The following PLCL2 variants were observed in gnomAD, a reference collection of about 807,000 sequenced individuals.
The protein encoded by PLCL2 is phospholipase C like 2.
Under a neutral mutation model 79.6 loss-of-function variants are expected in PLCL2, and 4 were observed. That is an observed-to-expected ratio of 0.05 (90% CI 0.02 to 0.11). The LOEUF (loss-of-function observed/expected upper bound fraction) is 0.11, where lower values mean the gene tolerates loss of function less well. Among genes scored for constraint, PLCL2 ranks in the 10% least tolerant of loss-of-function variants. The probability of loss-of-function intolerance (pLI) is 1.00; values close to 1 mark genes in which losing one functional copy is unlikely to be tolerated. For synonymous variants in PLCL2, 484 were observed against 457.7 expected (o/e 1.06, Z -0.73); for missense variants, 895 against 1,291.0 (o/e 0.69, Z 4.70).
At chr3:17,027,619 CTCTT>C (rs769751970) in intron 3 of PLCL2, among the ~76,000 whole-genome samples, 10 of 152,324 alleles carry the variant, frequency 6.6e-5, no homozygotes, top group African/African-American at 1.4e-4. Flanking sequence ...TTATGACTTT[CTCTT>C]TCTTTCTTTT....
chr3:16,974,895 A>G (rs766142824), intron 1 of PLCL2, among the ~76,000 whole-genome samples: 1 of 152,082 alleles, frequency 6.6e-6, no homozygotes, highest in African/African-American at 2.4e-5. Context: ...AATTGAGTGT[A>G]TGTAGAGGGG....
At chr3:17,088,553 A>G (rs1213385169) in intron 5 of PLCL2, among the ~76,000 whole-genome samples, 1 of 152,150 alleles carries the variant, frequency 6.6e-6, no homozygotes, top group African/African-American at 2.4e-5. Context: ...GCAAAGTAGG[A>G]GTGTTGGAAT....
chr3:17,087,320 C>T (rs1359328638), intron 5 of PLCL2, among the ~76,000 whole-genome samples: 1 of 152,156 alleles, frequency 6.6e-6, no homozygotes, highest in East Asian at 1.9e-4. Context: ...GAATATTATT[C>T]AGCACTAAAA....
At chr3:16,954,000 CAT>C (rs1381100507) in intron 1 of PLCL2, among the ~76,000 whole-genome samples, 5 of 151,884 alleles carry the variant, frequency 3.3e-5, no homozygotes, top group Non-Finnish European at 7.4e-5. Flanking sequence ...TACTCAGTGA[CAT>C]ATACATTTTT....
At chr3:17,014,571 T>C (rs2064363115) in intron 2 of PLCL2, 137 bp from the exon 3 acceptor site, 2 of 700,170 alleles carry the variant, frequency 2.9e-6, no homozygotes, top group African/African-American at 1.8e-5. Flanking sequence ...AAACAATCAT[T>C]AGCCAATTCT....
chr3:17,049,970 G>T (rs575919704), intron 4 of PLCL2, among the ~76,000 whole-genome samples: 6 of 152,038 alleles, frequency 3.9e-5, no homozygotes, highest in Admixed American at 2.6e-4. Context: ...GCATGATAAT[G>T]GTATAAAAGC....
intron 3 of PLCL2, among the ~76,000 whole-genome samples, chr3:17,033,571 G>A (rs1271258438): frequency 2.0e-5 from 3 of 152,146 alleles, no homozygotes; most frequent in Non-Finnish European, 2.9e-5. Flanking sequence ...ATTTGCGTGT[G>A]CACAAGTTTG....
intron 3 of PLCL2, among the ~76,000 whole-genome samples, chr3:17,042,048 T>C (rs964532508): frequency 3.9e-5 from 6 of 152,202 alleles, no homozygotes; most frequent in African/African-American, 1.4e-4. Context: ...AATATTATAA[T>C]GCAAAATATT....
chr3:16,940,070 A>G (rs1208303788), intron 1 of PLCL2, among the ~76,000 whole-genome samples: 2 of 152,204 alleles, frequency 1.3e-5, no homozygotes, highest in African/African-American at 4.8e-5. Flanking sequence ...AAAAGGACAC[A>G]TGAAATGACA....
intron 1 of PLCL2, among the ~76,000 whole-genome samples, chr3:16,936,083 A>G (rs542858026): frequency 5.1e-4 from 77 of 152,336 alleles, no homozygotes; most frequent in Non-Finnish European, 1.0e-3. Flanking sequence ...TCAGAACAAG[A>G]TCAAAGGTTG....
At chr3:17,031,712 G>T (rs1315227357) in intron 3 of PLCL2, among the ~76,000 whole-genome samples, 2 of 152,260 alleles carry the variant, frequency 1.3e-5, no homozygotes, top group East Asian at 3.9e-4. Context: ...CCCCTAACAA[G>T]ACTTCTGGTC....
intron 1 of PLCL2, among the ~76,000 whole-genome samples, chr3:16,923,927 A>G (rs891105522): frequency 6.7e-6 from 1 of 149,574 alleles, no homozygotes; most frequent in Non-Finnish European, 1.5e-5. Context: ...ATACTTCTCA[A>G]CTCCAGAATT....
intron 1 of PLCL2, among the ~76,000 whole-genome samples, chr3:16,971,809 C>T (rs1281638451): frequency 6.6e-6 from 1 of 152,150 alleles, no homozygotes; most frequent in Admixed American, 6.6e-5. Context: ...CTCTTTGAAG[C>T]AATTGTGAAT....
At chr3:16,989,203 G>A (rs192425564) in intron 1 of PLCL2, among the ~76,000 whole-genome samples, 23 of 152,224 alleles carry the variant, frequency 1.5e-4, no homozygotes, top group Admixed American at 9.2e-4. Context: ...TTACATATAT[G>A]AATGATAGTC....
rs535547616 is a variant in PLCL2 at position 16,923,631 on chromosome 3, C to T, written c.327+38265C>T. Among the ~76,000 whole-genome samples the T allele has an allele frequency of 7.9e-5, 12 of 152,298 alleles. No individual in the cohort carries two copies. The East Asian group carries it at 2.3e-3, about 29-fold the overall frequency. On this transcript the variant is annotated intron_variant, in intron 1 of 5. Coordinates refer to ENST00000615277, the MANE Select transcript of PLCL2 (RefSeq NM_001144382.2). ...CACATAACCACTTCTGTTAGTACCACCCTTAATTAAACATTATTTTTCATT... is the reference window on the plus strand; with the variant it reads ...CACATAACCACTTCTGTTAGTACCATCCTTAATTAAACATTATTTTTCATT...
chr3:16,971,780 G>A (rs1436846303), intron 1 of PLCL2, among the ~76,000 whole-genome samples: 6 of 152,040 alleles, frequency 3.9e-5, no homozygotes, highest in African/African-American at 1.4e-4. Flanking sequence ...TTGTAAGCTG[G>A]ATTCCTAGGT....
Position 17,057,871 on chromosome 3 carries a change from G to A in PLCL2, c.3095-10085G>A, listed in dbSNP as rs62247189. Among the ~76,000 whole-genome samples, 373 of 152,278 alleles carry A rather than the reference G, an allele frequency of 2.4e-3. 1 individual carries two copies. The highest frequency in any genetic ancestry group is 4.0e-3 in the Non-Finnish European group (274 of 68,026). Reference sequence around the variant, plus strand: ...TGAGCTGAATTGAATACAGAATGCCGCATATTTATTTGTTCAACAAACGAG... The same window carrying A: ...TGAGCTGAATTGAATACAGAATGCCACATATTTATTTGTTCAACAAACGAG... On this transcript the variant is annotated intron_variant, in intron 4 of 5. Transcript: ENST00000615277.
chr3:16,966,916 C>T (rs2063813511), intron 1 of PLCL2, among the ~76,000 whole-genome samples: 1 of 152,010 alleles, frequency 6.6e-6, no homozygotes, highest in African/African-American at 2.4e-5. Context: ...GATCCTCACC[C>T]TCCTCCCACC....
intron 2 of PLCL2, 30 bp downstream of exon 2, chr3:17,012,190 A>G (rs766434599): frequency 8.9e-6 from 14 of 1,573,186 alleles, no homozygotes; most frequent in South Asian, 1.2e-5. Flanking sequence ...CATTTACTCA[A>G]TGGTTTTCCT....
Sources: allele counts gnomAD v4.1 joint callset (sites outside exome capture counted in the v4.1 genomes callset), GRCh38; gene constraint gnomAD v4.1.1; transcripts MANE v1.5; gene names NCBI Gene and HGNC (gene_info 2026-07-23, HGNC 2026-07-21).